The following ZSCAN20 variants were observed in gnomAD, a reference collection of about 807,000 sequenced individuals.
The protein encoded by ZSCAN20 is zinc finger and SCAN domain containing 20.
In ZSCAN20, 39 loss-of-function variants were observed where a neutral mutation model predicts 97.1. The observed-to-expected ratio is 0.40, with a 90% CI of 0.31 to 0.52. The LOEUF (loss-of-function observed/expected upper bound fraction) is 0.52. Ranked by LOEUF, ZSCAN20 falls within the 20% of genes least tolerant of loss-of-function variation. ZSCAN20 has a pLI of 0.49. For synonymous variants in ZSCAN20, 456 were observed against 467.3 expected (o/e 0.98, Z 0.31); for missense variants, 1,115 against 1,290.4 (o/e 0.86, Z 2.08).
Position 33,484,074 on chromosome 1 carries a change from C to T in ZSCAN20, c.417+4369C>T, listed in dbSNP as rs552997846. ...TTTGTACCCTGCAGCCTTGCTATAA[C>T]TGCTTATTAGTTCCCAGAAGTTTTT... is the stretch of plus-strand genomic sequence containing the variant. On this transcript the variant is annotated intron_variant, in intron 2 of 7. Transcript: ENST00000684572. Among the ~76,000 whole-genome samples the T allele has an allele frequency of 2.6e-5, 4 of 152,322 alleles. No individual in the cohort carries two copies. In the South Asian group the frequency reaches 8.3e-4, roughly 32 times the overall value.
intron 1 of ZSCAN20, among the ~76,000 whole-genome samples, chr1:33,473,093 A>T (rs1358416415): frequency 6.6e-6 from 1 of 152,104 alleles, no homozygotes; most frequent in East Asian, 1.9e-4. Flanking sequence ...CTACCTTCCC[A>T]TCTAGAACAA....
chr1:33,474,876 C>T (rs1260470263), intron 1 of ZSCAN20, among the ~76,000 whole-genome samples: 2 of 152,222 alleles, frequency 1.3e-5, no homozygotes, highest in African/African-American at 2.4e-5. Flanking sequence ...TCCTTATACC[C>T]ATTTAAACTT....
At position 33,484,435 on chromosome 1, in the gene ZSCAN20, T is replaced by G. The variant is rs180836037; in HGVS notation, c.418-4030T>G. Among the ~76,000 whole-genome samples, 411 of 152,326 alleles carry G rather than the reference T, an allele frequency of 2.7e-3. 2 individuals are homozygous for G. Among genetic ancestry groups the G allele is most frequent in the African/African-American group, 9.6e-3 (400 of 41,578 alleles). The stretch of plus-strand genomic sequence containing the variant: ...CAAATGCTTTTTCTGCATCTGTTGA[T>G]ATAATATATGATCATGTGATTTTTC... On this transcript the variant is annotated intron_variant, in intron 2 of 7. Transcript: ENST00000684572.
rs969527011 is a variant in ZSCAN20 at position 33,495,148 on chromosome 1, A to G, written c.2804A>G (p.Asp935Gly). The change falls in exon 8 of 8, where the codon GAC becomes GGC. Residue 935 changes from aspartate to glycine, a missense_variant. Asp to Gly is a moderately conservative substitution (Grantham distance 94). Transcript: ENST00000684572. ...GGAGAGAAGCCGTATAAATGTGTGG[A>G]CTGTGGGAAGTGCTTCAGTGAGCGC... Reference protein sequence around the residue: ...HTGEKPYKCVDCGKCFSERSK... With the variant: ...HTGEKPYKCVGCGKCFSERSK... 4 of 1,613,910 alleles carry G rather than the reference A, an allele frequency of 2.5e-6. No individual in the cohort carries two copies. The African/African-American group carries it at 4.0e-5, about 16-fold the overall frequency.
At chr1:33,489,354 C>A in intron 4 of ZSCAN20, 163 bp downstream of exon 4, 1 of 987,298 alleles carries the variant, frequency 1.0e-6, no homozygotes, top group Non-Finnish European at 1.5e-6. Context: ...CCCAAACATC[C>A]CCAAACACAT....
At chr1:33,478,820 T>C (rs572458405) in intron 1 of ZSCAN20, among the ~76,000 whole-genome samples, 1 of 152,140 alleles carries the variant, frequency 6.6e-6, no homozygotes, top group East Asian at 1.9e-4. Context: ...ATCATGGAGG[T>C]GTGGGATGCC....
At position 33,501,202 on chromosome 1, in the gene ZSCAN20, A is replaced by G. The variant is rs1269519866; in HGVS notation, c.*5726A>G. 6.6e-6 allele frequency among the ~76,000 whole-genome samples: 1 copy of G among 152,134 alleles called. No homozygotes were observed. Among genetic ancestry groups the G allele is most frequent in the East Asian group, 1.9e-4 (1 of 5,180 alleles). On this transcript the variant is annotated 3_prime_UTR_variant, in exon 8 of 8. Coordinates refer to ENST00000684572, the MANE Select transcript of ZSCAN20 (RefSeq NM_001377376.1). ...TGTTCCTGAAGTTTCCCAGAAATAG[A>G]TGGAGAGGTAAGGCCAGCTAGGCTG...
In ZSCAN20 at chr1:33,491,720, T is replaced by G; in HGVS notation, c.1444+18T>G. ...TCGTATTGGTAAGAACATGGGGGTT[T>G]AGTCAGATTCAGATTTCCAACCCTC... On this transcript the variant is annotated intron_variant, in intron 6 of 7. Transcript: ENST00000684572. The surrounding 1 kb of genome is among the most constrained non-coding windows in gnomAD (Gnocchi z 4.3). The G allele has an allele frequency of 4.5e-6, 7 of 1,542,428 alleles. No homozygotes were observed. The highest frequency in any genetic ancestry group is 1.4e-5 in the African/African-American group (1 of 72,292).
chr1:33,473,770 T>C (rs1185568524), intron 1 of ZSCAN20, among the ~76,000 whole-genome samples: 1 of 152,166 alleles, frequency 6.6e-6, no homozygotes, highest in Non-Finnish European at 1.5e-5. Context: ...CCACATTTGA[T>C]CATAATTATC....
intron 2 of ZSCAN20, among the ~76,000 whole-genome samples, chr1:33,484,271 C>G (rs1450582030): frequency 1.3e-5 from 2 of 152,152 alleles, no homozygotes. Context: ...TTTTCCTGAT[C>G]TTAGTGCAAA....
chr1:33,476,158 T>C (rs1651930864), intron 1 of ZSCAN20, among the ~76,000 whole-genome samples: 1 of 152,174 alleles, frequency 6.6e-6, no homozygotes, highest in African/African-American at 2.4e-5. Context: ...CTAATGAGGC[T>C]CGATATTCCT....
At chr1:33,483,422 T>C (rs1039288930) in intron 2 of ZSCAN20, among the ~76,000 whole-genome samples, 10 of 152,146 alleles carry the variant, frequency 6.6e-5, no homozygotes, top group African/African-American at 2.4e-4. Context: ...CTTTTGCCAA[T>C]ACCACACTGT....
rs192446864 is a variant in ZSCAN20, at chr1:33,486,235, C to A, written c.418-2230C>A. Among the ~76,000 whole-genome samples the A allele has an allele frequency of 1.1e-3, 169 of 152,294 alleles. 3 individuals carry two copies. Among genetic ancestry groups the A allele is most frequent in the Non-Finnish European group, 2.9e-4 (20 of 68,012 alleles). On this transcript the variant is annotated intron_variant, in intron 2 of 7. Transcript: ENST00000684572. ...TCTGGTTGAGCTCCTGGAGATAAAA[C>A]TTACAAAAATGTGCCCCTGCTCAGT...
At position 33,491,215 on chromosome 1, in the gene ZSCAN20, G is replaced by A; in HGVS notation, c.957G>A (p.Met319Ile). ...EEQYQWDVED[M>I]KVSGVHWGYE... ...AATACCAGTGGGATGTGGAGGACAT[G>A]AAGGTGTCAGGTGTTCACTGGGGCT... Residue 319 changes from methionine to isoleucine, a missense_variant, in exon 6 of 8, where the codon ATG becomes ATA. By Grantham distance (10) the Met-to-Ile change is conservative. Around this residue, in one of 3 missense-constraint regions of ZSCAN20, gnomAD observed 508 missense variants for 611.2 expected, o/e 0.83. Transcript: ENST00000684572. This position sits in a 1 kb window ranked among gnomAD's most constrained non-coding sequence, Gnocchi z 4.3. The A allele has an allele frequency of 6.2e-7, 1 of 1,614,190 alleles. No homozygotes were observed. The highest frequency in any genetic ancestry group is 8.5e-7 in the Non-Finnish European group (1 of 1,180,034).
At chr1:33,490,343 T>C (rs1652548951) in intron 5 of ZSCAN20, among the ~76,000 whole-genome samples, 1 of 152,198 alleles carries the variant, frequency 6.6e-6, no homozygotes, top group Non-Finnish European at 1.5e-5. Flanking sequence ...TCTTCAAATA[T>C]TTATTTCAAT....
Position 33,497,589 on chromosome 1 carries a change from T to C in ZSCAN20, c.*2113T>C, listed in dbSNP as rs558222732. 3.9e-5 allele frequency among the ~76,000 whole-genome samples: 6 copies of C among 152,252 alleles called. No homozygotes were observed. Among genetic ancestry groups the C allele is most frequent in the African/African-American group, 1.4e-4 (6 of 41,556 alleles). On this transcript the variant is annotated 3_prime_UTR_variant, in exon 8 of 8. Transcript: ENST00000684572. ...CACCAGGCCCGGGGCAATGTTCAGA[T>C]GTGCATGGTTGAAATCTGACAGCTG...
At chr1:33,474,395 T>C (rs1016007471) in intron 1 of ZSCAN20, among the ~76,000 whole-genome samples, 2 of 152,214 alleles carry the variant, frequency 1.3e-5, no homozygotes, top group Non-Finnish European at 2.9e-5. Context: ...TCTTGGCCTT[T>C]CCTGTGGAAC....
intron 4 of ZSCAN20, 112 bp from the exon 5 acceptor site, chr1:33,489,406 T>G: frequency 8.7e-7 from 1 of 1,148,364 alleles, no homozygotes; most frequent in Non-Finnish European, 1.3e-6. Context: ...GATGCCAGCT[T>G]CACACATGGT....
At position 33,494,459 on chromosome 1, in the gene ZSCAN20, T is replaced by C. The variant is rs769378104; in HGVS notation, c.2115T>C (p.Leu705=). ...EKLIDHQGLY[L]AEKPYKCDTC... is the part of the protein sequence containing the mutation. ...TTATTGACCATCAAGGCCTGTACCT[T>C]GCAGAGAAACCCTACAAGTGTGACA... Residue 705 remains leucine, a synonymous_variant, in exon 8 of 8, where the codon CTT becomes CTC. Coordinates refer to ENST00000684572, the MANE Select transcript of ZSCAN20 (RefSeq NM_001377376.1). 2.8e-5 allele frequency: 45 copies of C among 1,614,118 alleles called. No homozygotes were observed. The highest frequency in any genetic ancestry group is 3.8e-5 in the Non-Finnish European group (45 of 1,179,998).
Sources: gnomAD v4.1 joint callset for allele counts (sites outside exome capture counted in the v4.1 genomes callset) on GRCh38, gnomAD v4.1.1 for gene constraint, gnomAD v4.1.1 regional missense constraint, Gnocchi (gnomAD v3.1) non-coding constraint, MANE v1.5 for transcripts, NCBI Gene and HGNC (gene_info 2026-07-23, HGNC 2026-07-21) for gene names.